EDNRB: variants seen among roughly 807,000 people sequenced by gnomAD.
EDNRB encodes endothelin receptor type B.
EDNRB carries 18 observed loss-of-function variants against 46.4 expected under a neutral mutation model. That is an observed-to-expected ratio of 0.39 (90% confidence interval 0.27 to 0.57). The LOEUF is 0.57. Ranked by LOEUF, EDNRB falls within the 20% of genes least tolerant of loss-of-function variation. The pLI is 0.61. For synonymous variants in EDNRB, 213 were observed against 204.9 expected (o/e 1.04, Z -0.34); for missense variants, 434 against 537.5 (o/e 0.81, Z 1.90).
At chr13:77,939,547 A>G (rs949148284) in intron 1 of EDNRB, 1 of 152,242 alleles carries the variant, frequency 6.6e-6, no homozygotes, top group Non-Finnish European at 1.5e-5. Context: ...ACTGCTTTGC[A>G]TGTTGTAGGT....
At chr13:77,926,393 A>T (rs1379730534) in intron 1 of EDNRB, among the ~76,000 whole-genome samples, 2 of 152,186 alleles carry the variant, frequency 1.3e-5, no homozygotes, top group Non-Finnish European at 2.9e-5. Flanking sequence ...TGCTGCTTAG[A>T]AATTTCTTCC....
At chr13:77,963,343 G>A (rs1318069140) in intron 1 of EDNRB, among the ~76,000 whole-genome samples, 9 of 152,158 alleles carry the variant, frequency 5.9e-5, no homozygotes, top group Non-Finnish European at 1.3e-4. Flanking sequence ...CAAAGCTGGA[G>A]GCATTATGCT....
In EDNRB at chr13:77,956,021, G is replaced by C. The variant is rs539241742; in HGVS notation, c.-52+19326C>G. Among the ~76,000 whole-genome samples, 21 of 152,134 alleles carry C rather than the reference G, an allele frequency of 1.4e-4. No homozygotes were observed. In the South Asian group the frequency reaches 4.1e-3, roughly 30 times the overall value. On this transcript the variant is annotated intron_variant, in intron 1 of 7. Transcript: ENST00000646948. ...TTTTGTGTATTTGGGGTCTTTTGTG[G>C]CTCCAAATGAATTTCAAGATTTTTT...
chr13:77,957,565 A>T (rs1380779457), intron 1 of EDNRB, among the ~76,000 whole-genome samples: 1 of 152,246 alleles, frequency 6.6e-6, no homozygotes, highest in East Asian at 1.9e-4. Flanking sequence ...TGGGAATAAC[A>T]ATAATACCTA....
intron 1 of EDNRB, among the ~76,000 whole-genome samples, chr13:77,940,396 T>TA (rs1371304716): frequency 6.6e-6 from 1 of 151,904 alleles, no homozygotes; most frequent in East Asian, 1.9e-4. Flanking sequence ...GTTCTCCAGG[T>TA]AAAAATGGAG....
chr13:77,967,577 T>A (rs1477108253), intron 1 of EDNRB, among the ~76,000 whole-genome samples: 2 of 152,210 alleles, frequency 1.3e-5, no homozygotes, highest in Non-Finnish European at 2.9e-5. Context: ...GTGTTCTCTG[T>A]TTCTTAAAGG....
At chr13:77,958,636 A>C (rs1397756341) in intron 1 of EDNRB, among the ~76,000 whole-genome samples, 1 of 152,162 alleles carries the variant, frequency 6.6e-6, no homozygotes, top group Non-Finnish European at 1.5e-5. Flanking sequence ...AGCCTCCCAA[A>C]GTGCTGGGAT....
rs528994188 is a variant in EDNRB, at chr13:77,897,936, A to G, written c.*264T>C. The G allele has an allele frequency of 3.3e-6, 4 of 1,203,876 alleles. No homozygotes were observed. In the South Asian group the frequency reaches 5.9e-5, roughly 18 times the overall value. 74.6% of individuals were successfully genotyped at this position (1,203,876 alleles called of 1,614,324 possible). On this transcript the variant is annotated 3_prime_UTR_variant, in exon 7 of 7. Transcript: ENST00000646607. ...TGTGTGAATATCCTGGAAGTTGTTA[A>G]GAGCTATGTTGAAGTGCTAACTGTA...
intron 1 of EDNRB, among the ~76,000 whole-genome samples, chr13:77,973,249 A>C (rs1367198346): frequency 6.6e-6 from 1 of 152,176 alleles, no homozygotes; most frequent in Non-Finnish European, 1.5e-5. Context: ...TACATTTAAC[A>C]ATGCTTCCTG....
chr13:77,919,242 C>G, upstream of EDNRB: 2 of 802,598 alleles, frequency 2.5e-6, no homozygotes, highest in Non-Finnish European at 3.8e-6. Flanking sequence ...GCTTCAAACA[C>G]TCGCGCTCCT....
At chr13:77,918,910 T>C, upstream of EDNRB, 1 of 1,219,768 alleles carries the variant, frequency 8.2e-7, no homozygotes, top group Non-Finnish European at 1.0e-6. The surrounding 1 kb of genome is among the most constrained non-coding windows in gnomAD (Gnocchi z 4.5). Flanking sequence ...GAGGGAATGA[T>C]GGGGGTCCCA....
At chr13:77,919,518 G>A, upstream of EDNRB, 2 of 1,612,796 alleles carry the variant, frequency 1.2e-6, no homozygotes, top group Non-Finnish European at 1.7e-6. Context: ...GCTGCAGGCG[G>A]GTCCGGCTCT....
intron 1 of EDNRB, among the ~76,000 whole-genome samples, chr13:77,964,690 A>G (rs145145338): frequency 8.5e-4 from 130 of 152,348 alleles, no homozygotes; most frequent in African/African-American, 3.0e-3. Context: ...TGAAGAGTTA[A>G]TGGGTGTAGC....
At chr13:77,919,292 G>T, upstream of EDNRB, 2 of 1,236,068 alleles carry the variant, frequency 1.6e-6, no homozygotes, top group Non-Finnish European at 2.2e-6. Flanking sequence ...CTCTCTATAG[G>T]CTTAATTTTT....
chr13:77,961,717 A>G (rs1881418704), intron 1 of EDNRB, among the ~76,000 whole-genome samples: 1 of 152,246 alleles, frequency 6.6e-6, no homozygotes, highest in African/African-American at 2.4e-5. Context: ...CACAATTAAA[A>G]GAACTAGAGA....
chr13:77,969,348 A>G (rs1241310619), intron 1 of EDNRB, among the ~76,000 whole-genome samples: 1 of 152,184 alleles, frequency 6.6e-6, no homozygotes, highest in Non-Finnish European at 1.5e-5. Flanking sequence ...TGTTTTTTCC[A>G]ATAGAGTAAG....
rs1460121071 is a variant in EDNRB, at chr13:77,897,194, A to G, written c.*1006T>C. ...ATTATGAGGTCACTGGCATCTCTCCATCGTAAAGCTATGAGCACAGGGCCT... is the reference window on the plus strand; with the variant it reads ...ATTATGAGGTCACTGGCATCTCTCCGTCGTAAAGCTATGAGCACAGGGCCT... On this transcript the variant is annotated 3_prime_UTR_variant, in exon 7 of 7. Transcript: ENST00000646607. 2.6e-5 allele frequency: 26 copies of G among 985,392 alleles called. No homozygotes were observed. In the East Asian group the frequency reaches 2.4e-3, roughly 91 times the overall value. 61.0% of individuals were successfully genotyped at this position (985,392 alleles called of 1,614,324 possible). A position where few individuals can be genotyped will look rare whatever the true frequency, so the allele number is the denominator to read the frequency against.
In EDNRB at chr13:77,918,198, T is replaced by A; in HGVS notation, c.376A>T (p.Ile126Phe). 6.2e-7 allele frequency: 1 copy of A among 1,614,124 alleles called. No individual in the cohort carries two copies. The highest frequency in any genetic ancestry group is 8.5e-7 in the Non-Finnish European group (1 of 1,180,016). ...TTTCGCATGCACTTGTTCTTGTAGA[T>A]AATTCTCAGAAGTGTGGAGTTCCCG... Reference protein sequence around the residue: ...IIGNSTLLRIIYKNKCMRNGP... With the variant: ...IIGNSTLLRIFYKNKCMRNGP... The change falls in exon 1 of 7, where the codon ATC becomes TTC. Residue 126 changes from isoleucine (I) to phenylalanine (F), a missense_variant. Coordinates refer to ENST00000646607, the MANE Select transcript of EDNRB (RefSeq NM_001122659.3). This position sits in a 1 kb window ranked among gnomAD's most constrained non-coding sequence, Gnocchi z 4.5.
At chr13:77,942,121 C>T (rs1324144232) in intron 1 of EDNRB, among the ~76,000 whole-genome samples, 1 of 152,146 alleles carries the variant, frequency 6.6e-6, no homozygotes, top group Non-Finnish European at 1.5e-5. Flanking sequence ...AATCTTTGTG[C>T]CTTCCCTCTG....
Sources: allele counts gnomAD v4.1 joint callset (sites outside exome capture counted in the v4.1 genomes callset), GRCh38; gene constraint gnomAD v4.1.1; non-coding constraint Gnocchi (gnomAD v3.1); transcripts MANE v1.5; gene names NCBI Gene and HGNC (gene_info 2026-07-23, HGNC 2026-07-21).